FNDC7: variants seen among roughly 807,000 people sequenced by gnomAD.
The protein encoded by FNDC7 is fibronectin type III domain-containing protein 7.
FNDC7 carries 66 observed loss-of-function variants against 74.2 expected under a neutral mutation model. The ratio of observed to expected loss-of-function variants is 0.89; its 90% CI spans 0.73 to 1.09. The LOEUF is 1.09. Among genes scored for constraint, FNDC7 ranks in the 50% least tolerant of loss-of-function variants. The probability of loss-of-function intolerance (pLI) is 0.00; values close to 1 mark genes in which losing one functional copy is unlikely to be tolerated. For synonymous variants in FNDC7, 307 were observed against 330.2 expected, an observed-to-expected ratio of 0.93 and a Z score of 0.76; for missense variants, 829 against 893.4, an observed-to-expected ratio of 0.93 and a Z score of 0.92.
chr1:108,732,144 G>T (rs573633613), intron 9 of FNDC7, among the ~76,000 whole-genome samples: 45 of 152,166 alleles, frequency 3.0e-4, no homozygotes, highest in African/African-American at 9.4e-4. Flanking sequence ...CGGATCACGA[G>T]GTCAGGAGAT....
rs1247054368 is a variant in FNDC7, at chr1:108,719,015, C to T, written c.564C>T (p.Ile188=). ...IKAYAWNANR[I]PGDDSTCNQR... ...CCTATGCATGGAATGCCAACAGAATCCCTGGGGATGACTCCACCTGCAATC... is the reference window on the plus strand; with the variant it reads ...CCTATGCATGGAATGCCAACAGAATTCCTGGGGATGACTCCACCTGCAATC... The change falls in exon 4 of 13, where the codon ATC becomes ATT. Residue 188 remains isoleucine, a synonymous_variant. Transcript: ENST00000370017. 2.6e-6 allele frequency: 4 copies of T among 1,552,136 alleles called. No individual in the cohort carries two copies. The highest frequency in any genetic ancestry group is 3.5e-6 in the Non-Finnish European group (4 of 1,147,122).
chr1:108,732,604 T>A (rs1182757010), intron 9 of FNDC7, among the ~76,000 whole-genome samples: 2 of 152,212 alleles, frequency 1.3e-5, no homozygotes, highest in African/African-American at 4.8e-5. Context: ...ATGTACAATA[T>A]GTATCTGCCA....
chr1:108,717,837 A>C lies in FNDC7; in HGVS notation c.143A>C (p.Glu48Ala). The change falls in exon 3 of 13, where the codon GAA (glutamate) becomes GCA (alanine). Residue 48 changes from glutamate to alanine, a missense_variant. Physicochemically the swap from Glu to Ala is moderately radical, Grantham distance 107 (BLOSUM62 -1). Transcript: ENST00000370017. The part of the protein sequence containing the change: ...YSKLSNSITV[E>A]WATVPGATSY... ...AAACTCAGCAACAGTATCACTGTAG[A>C]ATGGGCTACAGTGCCGGGTGCCACC... 3.9e-6 allele frequency: 6 copies of C among 1,551,618 alleles called. No individual in the cohort carries two copies. The highest frequency in any genetic ancestry group is 5.2e-6 in the Non-Finnish European group (6 of 1,146,928).
At chr1:108,735,740 T>C (rs1277019) in intron 10 of FNDC7, among the ~76,000 whole-genome samples, 111,665 of 152,058 alleles carry the variant, frequency 0.73, 42,109 homozygotes, top group Non-Finnish European at 0.8. Flanking sequence ...AAACTAGCCA[T>C]ATGTTCAATA....
Position 108,725,886 on chromosome 1 carries a change from C to T in FNDC7, c.993C>T (p.Asn331=). ...ATGATGGCTTGGAAGTACACTGCAACACATCTCTCACTCAGTGCAACTTCT... is the reference window on the plus strand; with the variant it reads ...ATGATGGCTTGGAAGTACACTGCAATACATCTCTCACTCAGTGCAACTTCT... ...KSDDGLEVHC[N]TSLTQCNFLS... Residue 331 remains asparagine, a synonymous_variant, in exon 6 of 13, where the codon AAC becomes AAT. Transcript: ENST00000370017. The T allele has an allele frequency of 1.2e-6, 2 of 1,614,158 alleles. No homozygotes were observed. The highest frequency in any genetic ancestry group is 1.1e-5 in the South Asian group (1 of 91,076).
intron 7 of FNDC7, 145 bp from the exon 8 acceptor site, chr1:108,728,487 C>T: frequency 1.2e-6 from 1 of 841,968 alleles, no homozygotes; most frequent in South Asian, 1.6e-5. Flanking sequence ...GTTCCCCACG[C>T]ATAGGCACTA....
At position 108,718,055 on chromosome 1, in the gene FNDC7, C is replaced by T. The variant is rs746475338; in HGVS notation, c.337+24C>T. On this transcript the variant is annotated intron_variant, in intron 3 of 12. Transcript: ENST00000370017. ...AGGTGGCTGGATGGATGCTCATCCTCCGTTGAGTGTTTGCTTGTGACTTGG... is the reference window on the plus strand; with the variant it reads ...AGGTGGCTGGATGGATGCTCATCCTTCGTTGAGTGTTTGCTTGTGACTTGG... 2.7e-5 allele frequency: 42 copies of T among 1,548,456 alleles called. No homozygotes were observed. The Admixed American group carries it at 8.1e-4, about 30-fold the overall frequency.
chr1:108,739,445 C>T (rs1661587513), intron 11 of FNDC7, among the ~76,000 whole-genome samples: 1 of 152,180 alleles, frequency 6.6e-6, no homozygotes, highest in Non-Finnish European at 1.5e-5. Flanking sequence ...GAATTCAAGG[C>T]TGCAGTGAGC....
chr1:108,727,064 G>A (rs1226015579), intron 6 of FNDC7, among the ~76,000 whole-genome samples: 3 of 152,108 alleles, frequency 2.0e-5, no homozygotes, highest in Non-Finnish European at 2.9e-5. Flanking sequence ...AGTGGTTCAC[G>A]CCTGTAATCC....
chr1:108,722,957 C>T (rs1661128674), intron 5 of FNDC7, among the ~76,000 whole-genome samples: 1 of 146,820 alleles, frequency 6.8e-6, no homozygotes, highest in Admixed American at 7.2e-5. Flanking sequence ...GTCTCATGTC[C>T]TAGGCTTGGT....
At chr1:108,723,868 T>C (rs1661148138) in intron 5 of FNDC7, among the ~76,000 whole-genome samples, 1 of 152,180 alleles carries the variant, frequency 6.6e-6, no homozygotes, top group Admixed American at 6.5e-5. Flanking sequence ...TTGTAAAAGC[T>C]CCCCAGTTGA....
chr1:108,739,822 T>C (rs1661596529), intron 11 of FNDC7, among the ~76,000 whole-genome samples: 1 of 152,070 alleles, frequency 6.6e-6, no homozygotes, highest in Non-Finnish European at 1.5e-5. Flanking sequence ...ACCATTCCCT[T>C]CCTTAGCCAG....
Position 108,727,861 on chromosome 1 carries a change from G to A in FNDC7, c.1165G>A (p.Glu389Lys). 1.2e-6 allele frequency: 2 copies of A among 1,614,208 alleles called. No homozygotes were observed. ...NPVLVSSDRV[E>K]IVWSPVRGAE... ...CGTGTTGGTGTCCAGTGACAGAGTT[G>A]AGATTGTCTGGTCTCCTGTCCGTGG... The change falls in exon 7 of 13, where the codon GAG (glutamate) becomes AAG (lysine). Residue 389 changes from glutamate (E) to lysine (K), a missense_variant. Physicochemically the swap from Glu to Lys is moderately conservative, Grantham distance 56. Transcript: ENST00000370017.
intron 11 of FNDC7, among the ~76,000 whole-genome samples, chr1:108,740,125 A>G (rs1415418684): frequency 6.6e-6 from 1 of 151,304 alleles, no homozygotes; most frequent in Non-Finnish European, 1.5e-5. Flanking sequence ...AAGTCATTAT[A>G]TCTAGGGGGA....
intron 11 of FNDC7, 86 bp from the exon 12 acceptor site, chr1:108,741,687 A>G: frequency 3.6e-6 from 5 of 1,389,934 alleles, no homozygotes; most frequent in Non-Finnish European, 5.1e-6. Context: ...CAACATACAC[A>G]TAAAATCTCA....
chr1:108,734,608 G>A (rs1245472682), intron 10 of FNDC7: 1 of 152,168 alleles, frequency 6.6e-6, no homozygotes, highest in Non-Finnish European at 1.5e-5. Flanking sequence ...ATGGCCCTTG[G>A]TGATGGAAGG....
At chr1:108,720,725 A>G (rs781514576) in intron 4 of FNDC7, among the ~76,000 whole-genome samples, 6 of 152,186 alleles carry the variant, frequency 3.9e-5, no homozygotes, top group Non-Finnish European at 7.3e-5. Context: ...TCACATTCAC[A>G]TGGAATTTTC....
chr1:108,717,725 AGTCATCCTCG>A, intron 2 of FNDC7, 42 bp from the exon 3 acceptor site: 1 of 1,521,636 alleles, frequency 6.6e-7, no homozygotes, highest in Non-Finnish European at 8.9e-7. Flanking sequence ...TGATGAAAGA[AGTCATCCTCG>A]TAGGTATCTT....
At chr1:108,721,293 C>A (rs888105025) in intron 4 of FNDC7, among the ~76,000 whole-genome samples, 97 of 152,298 alleles carry the variant, frequency 6.4e-4, no homozygotes, top group South Asian at 8.3e-4. Context: ...CATGGTGAAA[C>A]CCCGTCTCTA....
Sources: allele counts gnomAD v4.1 joint callset (sites outside exome capture counted in the v4.1 genomes callset), GRCh38; gene constraint gnomAD v4.1.1; transcripts MANE v1.5; gene names NCBI Gene and HGNC (gene_info 2026-07-23, HGNC 2026-07-21).